Variants in SEMA3C observed in about 807,000 individuals in gnomAD.
SEMA3C encodes semaphorin 3C.
A neutral mutation model predicts 89.4 loss-of-function variants in SEMA3C; 47 were observed. The ratio of observed to expected loss-of-function variants is 0.53; its 90% CI spans 0.42 to 0.67. The LOEUF (loss-of-function observed/expected upper bound fraction) is 0.67. Among genes scored for constraint, SEMA3C ranks in the 30% least tolerant of loss-of-function variants. SEMA3C has a pLI of 0.00. For synonymous variants in SEMA3C, 310 were observed against 320.2 expected (o/e 0.97, Z 0.34); for missense variants, 839 against 929.1 (o/e 0.90, Z 1.26).
intron 8 of SEMA3C, 129 bp from the exon 9 acceptor site, chr7:80,802,908 C>G (rs909458677): frequency 2.4e-5 from 13 of 552,062 alleles, no homozygotes; most frequent in African/African-American, 7.5e-5. Flanking sequence ...CACTTCTGCA[C>G]ATCAGTTGTC....
chr7:80,881,748 A>G (rs1170563671), intron 2 of SEMA3C, among the ~76,000 whole-genome samples: 3 of 152,192 alleles, frequency 2.0e-5, no homozygotes, highest in Admixed American at 2.0e-4. Flanking sequence ...TTCCTTATGG[A>G]GATAACCCAT....
intron 2 of SEMA3C, chr7:80,906,001 G>T: frequency 1.3e-6 from 1 of 742,300 alleles, no homozygotes; most frequent in Non-Finnish European, 2.0e-6. Flanking sequence ...AGGAAGCTGG[G>T]TGAGTAGAGA....
chr7:80,787,102 G>A (rs557953228), intron 12 of SEMA3C, among the ~76,000 whole-genome samples: 1 of 152,062 alleles, frequency 6.6e-6, no homozygotes, highest in Admixed American at 6.6e-5. Context: ...CTTAAAAAAG[G>A]GGACCATAAG....
chr7:80,818,302 T>C lies in SEMA3C; in HGVS notation c.444A>G (p.Ser148=), dbSNP rs1229860205. 2 of 1,605,850 alleles carry C rather than the reference T, an allele frequency of 1.2e-6. No individual in the cohort carries two copies. The highest frequency in any genetic ancestry group is 1.7e-5 in the Admixed American group (1 of 59,902). ...VCTYLNRGRR[S]EDQVFMIDSK... ...AATGTTAAATAGTTATACTTACCTCTGATCTCCTCCCTCTGTTCAAGTAAG... is the reference window on the plus strand; with the variant it reads ...AATGTTAAATAGTTATACTTACCTCCGATCTCCTCCCTCTGTTCAAGTAAG... Residue 148 remains serine, a synonymous_variant, in exon 5 of 18, where the codon TCA becomes TCG. Transcript: ENST00000265361.
intron 2 of SEMA3C, among the ~76,000 whole-genome samples, chr7:80,887,476 T>C (rs780206872): frequency 6.6e-6 from 1 of 152,158 alleles, no homozygotes; most frequent in African/African-American, 2.4e-5. Flanking sequence ...ATTAAATCAA[T>C]GATTCAAATC....
chr7:80,810,598 G>A lies in SEMA3C; in HGVS notation c.538+13C>T, dbSNP rs371482005. ...TTTTATGTTTAATCCTCCCTCTTTC[G>A]TTGTCTACTTACTGATCATAACAGA... is the stretch of plus-strand genomic sequence containing the variant. On this transcript the variant is annotated intron_variant, in intron 6 of 17. Coordinates refer to ENST00000265361, the MANE Select transcript of SEMA3C (RefSeq NM_006379.5). 19 of 1,602,958 alleles carry A rather than the reference G, an allele frequency of 1.2e-5. No homozygotes were observed. The highest frequency in any genetic ancestry group is 4.0e-5 in the African/African-American group (3 of 74,584).
chr7:80,852,327 A>G (rs1790533355), intron 2 of SEMA3C, among the ~76,000 whole-genome samples: 1 of 152,224 alleles, frequency 6.6e-6, no homozygotes, highest in African/African-American at 2.4e-5. Context: ...CCCTTGATAC[A>G]GTAGCCGGTG....
At chr7:80,831,293 T>C (rs771541222) in intron 2 of SEMA3C, among the ~76,000 whole-genome samples, 1 of 152,204 alleles carries the variant, frequency 6.6e-6, no homozygotes, top group Non-Finnish European at 1.5e-5. Flanking sequence ...AACTCTAGTG[T>C]CCTTATCTTT....
chr7:80,887,145 C>G (rs2116129796), intron 2 of SEMA3C, among the ~76,000 whole-genome samples: 1 of 152,090 alleles, frequency 6.6e-6, no homozygotes, highest in South Asian at 2.1e-4. Flanking sequence ...AAAGCAGATC[C>G]AAAATTTAAG....
At chr7:80,812,000 T>C (rs1248618860) in intron 5 of SEMA3C, among the ~76,000 whole-genome samples, 1 of 152,210 alleles carries the variant, frequency 6.6e-6, no homozygotes, top group Non-Finnish European at 1.5e-5. Flanking sequence ...TTACATTCTC[T>C]GTACATGCCT....
In SEMA3C at chr7:80,751,293, G is replaced by A; in HGVS notation, c.1687C>T (p.Gln563Ter). 6.2e-7 allele frequency: 1 copy of A among 1,613,934 alleles called. No homozygotes were observed. Among genetic ancestry groups the A allele is most frequent in the Non-Finnish European group, 8.5e-7 (1 of 1,179,896 alleles). Residue 563 changes from glutamine (Q) to a stop codon, truncating the protein, a stop_gained, in exon 16 of 18, where the codon CAA becomes TAA. Coordinates refer to ENST00000265361, the MANE Select transcript of SEMA3C (RefSeq NM_006379.5). LOFTEE classifies it high-confidence loss of function. ...CCTTTTAGATTAAATCCTCTGCATT[G>A]AGTCAGTGGGTTTCCATGTCTCACA... is the stretch of plus-strand genomic sequence containing the variant. ...QDVRHGNPLTQCRGFNLKAYR... is the reference protein window; with the variant it reads ...QDVRHGNPLT
intron 2 of SEMA3C, among the ~76,000 whole-genome samples, chr7:80,833,163 G>A (rs552221044): frequency 1.3e-5 from 2 of 152,132 alleles, no homozygotes; most frequent in South Asian, 4.2e-4. Flanking sequence ...GGCCTGGCAC[G>A]GTGGCTCATG....
intron 12 of SEMA3C, among the ~76,000 whole-genome samples, chr7:80,787,208 A>G (rs1331439126): frequency 1.3e-5 from 2 of 152,064 alleles, no homozygotes; most frequent in Non-Finnish European, 2.9e-5. Context: ...CCTGGCCAAC[A>G]TGGTGAAACC....
At chr7:80,824,356 C>A (rs931998171) in intron 4 of SEMA3C, among the ~76,000 whole-genome samples, 1 of 152,074 alleles carries the variant, frequency 6.6e-6, no homozygotes, top group Non-Finnish European at 1.5e-5. Context: ...GTGTCCTACC[C>A]GCAAGCCCTG....
intron 2 of SEMA3C, among the ~76,000 whole-genome samples, chr7:80,890,000 G>T (rs1177528058): frequency 1.3e-5 from 2 of 152,162 alleles, no homozygotes; most frequent in Non-Finnish European, 2.9e-5. Context: ...TAATTAAAAT[G>T]TATAGAAGTA....
At chr7:80,756,654 A>G (rs544983929) in intron 15 of SEMA3C, among the ~76,000 whole-genome samples, 2 of 152,302 alleles carry the variant, frequency 1.3e-5, no homozygotes, top group Admixed American at 6.5e-5. Flanking sequence ...ATTTCAGGGC[A>G]GCCTCACTAG....
intron 2 of SEMA3C, among the ~76,000 whole-genome samples, chr7:80,858,890 T>C (rs60470401): frequency 0.018 from 2,710 of 152,258 alleles, 85 homozygotes; most frequent in African/African-American, 0.06. Flanking sequence ...CCAAGATGTG[T>C]AGAACAGAAT....
chr7:80,802,862 T>C (rs1789242740), intron 8 of SEMA3C, 83 bp from the exon 9 acceptor site: 4 of 907,844 alleles, frequency 4.4e-6, no homozygotes, highest in South Asian at 3.0e-5. Context: ...CTCTAGTTGC[T>C]TGGAGGATGA....
chr7:80,838,554 G>A (rs901055262), intron 2 of SEMA3C, among the ~76,000 whole-genome samples: 1 of 152,016 alleles, frequency 6.6e-6, no homozygotes, highest in Admixed American at 6.6e-5. Flanking sequence ...CAAAAGCAAG[G>A]CTATCTTGTT....
Sources: gnomAD v4.1 joint callset for allele counts (sites outside exome capture counted in the v4.1 genomes callset) on GRCh38, gnomAD v4.1.1 for gene constraint, MANE v1.5 for transcripts, NCBI Gene and HGNC (gene_info 2026-07-23, HGNC 2026-07-21) for gene names.